GLI2: variants seen among roughly 807,000 people sequenced by gnomAD.
The protein encoded by GLI2 is GLI family zinc finger 2.
Under a neutral mutation model 78.9 loss-of-function variants are expected in GLI2, and 22 were observed. That is an observed-to-expected ratio of 0.28 (90% CI 0.20 to 0.40). The LOEUF (loss-of-function observed/expected upper bound fraction) is 0.40, where lower values mean the gene tolerates loss of function less well. Ranked by LOEUF, GLI2 falls within the 10% of genes least tolerant of loss-of-function variation. The pLI, the probability that GLI2 is intolerant of heterozygous loss-of-function variation, is 1.00. For synonymous variants in GLI2, 974 were observed against 963.7 expected (o/e 1.01, Z -0.20); for missense variants, 2,097 against 2,213.2 (o/e 0.95, Z 1.05).
rs758798082 is a variant in GLI2 at position 120,970,396 on chromosome 2, A to G, written c.849A>G (p.Pro283=). The change falls in exon 7 of 14, where the codon CCA becomes CCG. Residue 283 remains proline (P), a synonymous_variant. Transcript: ENST00000361492. ...CCTTGTCTGCTCTCTGTTGCAGCCCAGCCTTCACCTTCCCCCACCCCATCA... is the reference window on the plus strand; with the variant it reads ...CCTTGTCTGCTCTCTGTTGCAGCCCGGCCTTCACCTTCCCCCACCCCATCA... ...YGHLSAGALS[P]AFTFPHPINP... 2.5e-6 allele frequency: 4 copies of G among 1,581,396 alleles called. No individual in the cohort carries two copies. In the South Asian group the frequency reaches 4.4e-5, roughly 18 times the overall value.
chr2:120,944,779 T>C (rs1176999906), intron 3 of GLI2, among the ~76,000 whole-genome samples: 2 of 152,246 alleles, frequency 1.3e-5, no homozygotes, highest in Admixed American at 6.5e-5. Context: ...AGTTTCCTGG[T>C]CTGTAAAATG....
rs1007745266 is a variant in GLI2 at position 120,962,074 on chromosome 2, G to T, written c.644-6640G>T. On this transcript the variant is annotated intron_variant, in intron 5 of 13. Coordinates refer to ENST00000361492, the MANE Select transcript of GLI2 (RefSeq NM_001374353.1). ...TGCAAGTCCACCCACAGGTATAGAT[G>T]ATATGTTGGTTGTCAGCCCATAGCA... Among the ~76,000 whole-genome samples, 3 of 152,142 alleles carry T rather than the reference G, an allele frequency of 2.0e-5. 1 individual carries two copies.
rs569138708 is a variant in GLI2 at position 120,978,751 on chromosome 2, G to T, written c.1467+168G>T. On this transcript the variant is annotated intron_variant, in intron 10 of 13. Coordinates refer to ENST00000361492, the MANE Select transcript of GLI2 (RefSeq NM_001374353.1). ...TCCCACCCTGCCTGTTTGGGTCCTG[G>T]AGGCCCCTCGCCTCGTGCCGTCCCA... is the stretch of plus-strand genomic sequence containing the variant. 2.6e-5 allele frequency among the ~76,000 whole-genome samples: 4 copies of T among 152,314 alleles called. No individual in the cohort carries two copies. In the East Asian group the frequency reaches 7.7e-4, roughly 30 times the overall value.
Position 120,920,844 on chromosome 2 carries a change from T to C in GLI2, c.149-6517T>C, listed in dbSNP as rs887511031. ...GGTGTGTATGTTTTCAGGGGGATGG[T>C]GTGTCTGTCCCTCTGCCGGAAGGAC... On this transcript the variant is annotated intron_variant, in intron 2 of 13. Coordinates refer to ENST00000361492, the MANE Select transcript of GLI2 (RefSeq NM_001374353.1). Among the ~76,000 whole-genome samples, 10 of 149,934 alleles carry C rather than the reference T, an allele frequency of 6.7e-5. No homozygotes were observed. The South Asian group carries it at 1.9e-3, about 29-fold the overall frequency.
In GLI2 at chr2:120,913,041, T is replaced by A. The variant is rs144062017; in HGVS notation, c.149-14320T>A. ...GGAGGGAAGAAAAATAACTGTGTTTTCATCAGTAAATGTAAGCGACCAAAT... is the reference window on the plus strand; with the variant it reads ...GGAGGGAAGAAAAATAACTGTGTTTACATCAGTAAATGTAAGCGACCAAAT... On this transcript the variant is annotated intron_variant, in intron 2 of 13. Coordinates refer to ENST00000361492, the MANE Select transcript of GLI2 (RefSeq NM_001374353.1). Among the ~76,000 whole-genome samples, 390 of 152,342 alleles carry A rather than the reference T, an allele frequency of 2.6e-3. 2 individuals carry two copies. The highest frequency in any genetic ancestry group is 8.8e-3 in the African/African-American group (366 of 41,578).
At chr2:120,798,163 T>C (rs772884933) in intron 2 of GLI2, among the ~76,000 whole-genome samples, 23 of 152,242 alleles carry the variant, frequency 1.5e-4, no homozygotes, top group Non-Finnish European at 2.8e-4. Flanking sequence ...CCTCCCTTTT[T>C]GTTCCAGTGC....
intron 3 of GLI2, 112 bp downstream of exon 3, chr2:120,927,578 T>C: frequency 1.3e-6 from 1 of 788,808 alleles, no homozygotes; most frequent in Admixed American, 1.7e-5. Context: ...TGGGGGTTCC[T>C]GATCTACATT....
Position 120,758,375 on chromosome 2 carries a change from G to A in GLI2, c.-31+22090G>A, listed in dbSNP as rs553071152. Among the ~76,000 whole-genome samples, 6 of 152,364 alleles carry A rather than the reference G, an allele frequency of 3.9e-5. No individual in the cohort carries two copies. The East Asian group carries it at 1.2e-3, about 29-fold the overall frequency. On this transcript the variant is annotated intron_variant, in intron 1 of 13. Coordinates refer to ENST00000361492, the MANE Select transcript of GLI2 (RefSeq NM_001374353.1). ...GCACTCTTCCATGATGCTGTCATGG[G>A]GAGAGGGGAAAGCGGAAGTGGGAAG...
chr2:120,919,660 C>T (rs965940462), intron 2 of GLI2, among the ~76,000 whole-genome samples: 1 of 152,250 alleles, frequency 6.6e-6, no homozygotes, highest in Non-Finnish European at 1.5e-5. Context: ...TTCACACCTG[C>T]AGCATGGGAG....
chr2:120,956,017 C>T (rs904228320), intron 5 of GLI2, among the ~76,000 whole-genome samples: 3 of 152,158 alleles, frequency 2.0e-5, no homozygotes, highest in Admixed American at 6.5e-5. Context: ...TCAGAAGAGA[C>T]TGGCTTTCAC....
intron 1 of GLI2, among the ~76,000 whole-genome samples, chr2:120,773,123 C>A (rs996015678): frequency 1.3e-5 from 2 of 152,204 alleles, no homozygotes; most frequent in African/African-American, 4.8e-5. Context: ...CTGTGACAAA[C>A]AACTTTGTGG....
intron 3 of GLI2, 139 bp downstream of exon 3, chr2:120,927,605 C>A: frequency 1.4e-6 from 1 of 740,542 alleles, no homozygotes; most frequent in Non-Finnish European, 2.5e-6. Context: ...AGCGGGCGAT[C>A]ACCTTTGCTA....
intron 3 of GLI2, among the ~76,000 whole-genome samples, chr2:120,929,617 A>G (rs1444308555): frequency 6.6e-6 from 1 of 152,210 alleles, no homozygotes; most frequent in Non-Finnish European, 1.5e-5. Flanking sequence ...ATTACTACCA[A>G]TATTTATTGT....
rs538549941 is a variant in GLI2, at chr2:120,962,324, C to T, written c.644-6390C>T. Reference sequence around the variant, plus strand: ...ATAATTCTGCTTAGATGGCACCTTGCAAATCCTGCCTGGTGCCTCGGAGTA... The same window carrying T: ...ATAATTCTGCTTAGATGGCACCTTGTAAATCCTGCCTGGTGCCTCGGAGTA... On this transcript the variant is annotated intron_variant, in intron 5 of 13. Coordinates refer to ENST00000361492, the MANE Select transcript of GLI2 (RefSeq NM_001374353.1). Among the ~76,000 whole-genome samples, 13 of 152,322 alleles carry T rather than the reference C, an allele frequency of 8.5e-5. No homozygotes were observed. In the South Asian group the frequency reaches 2.1e-3, roughly 24 times the overall value.
At chr2:120,927,654 G>C (rs1679753531) in intron 3 of GLI2, among the ~76,000 whole-genome samples, 188 bp downstream of exon 3, 1 of 152,308 alleles carries the variant, frequency 6.6e-6, no homozygotes, top group Admixed American at 6.5e-5. Flanking sequence ...TGCGTGGGCA[G>C]TGTATAAACA....
intron 3 of GLI2, among the ~76,000 whole-genome samples, chr2:120,939,660 A>C (rs1680361869): frequency 6.6e-6 from 1 of 152,194 alleles, no homozygotes; most frequent in Admixed American, 6.5e-5. Context: ...GCTGCTCCGA[A>C]GCAGTCTATG....
At chr2:120,787,157 G>C (rs1684020009) in intron 1 of GLI2, among the ~76,000 whole-genome samples, 1 of 152,204 alleles carries the variant, frequency 6.6e-6, no homozygotes, top group Non-Finnish European at 1.5e-5. Context: ...TTCTCTGAGG[G>C]GGTGTCATAG....
At chr2:120,781,038 T>G (rs776203707) in intron 1 of GLI2, among the ~76,000 whole-genome samples, 6 of 152,120 alleles carry the variant, frequency 3.9e-5, no homozygotes, top group Non-Finnish European at 7.4e-5. Context: ...TCTCTTCCAC[T>G]CTGCATGGGC....
At chr2:120,979,769 T>C (rs1330909621) in intron 10 of GLI2, among the ~76,000 whole-genome samples, 1 of 152,026 alleles carries the variant, frequency 6.6e-6, no homozygotes, top group Admixed American at 6.6e-5. Context: ...CCACAGCCCC[T>C]CCTAATTCTG....
Sources: gnomAD v4.1 joint callset for allele counts (sites outside exome capture counted in the v4.1 genomes callset) on GRCh38, gnomAD v4.1.1 for gene constraint, MANE v1.5 for transcripts, NCBI Gene and HGNC (gene_info 2026-07-23, HGNC 2026-07-21) for gene names.